The following ZNF566 variants were observed in gnomAD, a reference collection of about 807,000 sequenced individuals.
The protein encoded by ZNF566 is zinc finger protein 566.
ZNF566 carries 27 observed loss-of-function variants against 32.8 expected under a neutral mutation model. That is an observed-to-expected ratio of 0.82 (90% confidence interval 0.61 to 1.14). The LOEUF (loss-of-function observed/expected upper bound fraction) is 1.14. Among genes scored for constraint, ZNF566 ranks in the 50% most tolerant of loss-of-function variants. The probability of loss-of-function intolerance (pLI) is 0.00; values close to 1 mark genes in which losing one functional copy is unlikely to be tolerated. For synonymous variants in ZNF566, 154 were observed against 159.5 expected, an observed-to-expected ratio of 0.97 and a Z score of 0.26; for missense variants, 402 against 490.4, an observed-to-expected ratio of 0.82 and a Z score of 1.70.
chr19:36,457,631 C>A (rs1005033634), intron 4 of ZNF566, among the ~76,000 whole-genome samples: 3 of 152,154 alleles, frequency 2.0e-5, no homozygotes, highest in African/African-American at 4.8e-5. Context: ...GTGGCTCAGG[C>A]CTGTAATCCC....
intron 2 of ZNF566, 107 bp from the exon 3 acceptor site, chr19:36,473,565 C>A: frequency 9.7e-7 from 1 of 1,034,544 alleles, no homozygotes. Context: ...ATATAGTGAG[C>A]ATATGAATGT....
At chr19:36,481,182 CAAT>C (rs969867501) in intron 1 of ZNF566, among the ~76,000 whole-genome samples, 7 of 151,840 alleles carry the variant, frequency 4.6e-5, no homozygotes, top group Non-Finnish European at 8.8e-5. Flanking sequence ...AAGAAAACAA[CAAT>C]GAGGGCTGGG....
At chr19:36,452,403 G>A (rs1009052896) in intron 4 of ZNF566, among the ~76,000 whole-genome samples, 1 of 151,624 alleles carries the variant, frequency 6.6e-6, no homozygotes, top group Non-Finnish European at 1.5e-5. Context: ...TTAACTAGCT[G>A]AGAGGCATAA....
In ZNF566 at chr19:36,449,395, T is replaced by A; in HGVS notation, c.839A>T (p.Glu280Val). Residue 280 changes from glutamate to valine, a missense_variant, in exon 5 of 5, where the codon GAG becomes GTG. Glu to Val is a moderately radical substitution (Grantham distance 121). This residue lies in a region of ZNF566 where 135 missense variants were observed against 210.0 expected (regional missense o/e 0.64). Coordinates refer to ENST00000452939, the MANE Select transcript of ZNF566 (RefSeq NM_001145344.1). ...FTRHQRIHTG[E>V]KPYECKECGK... Reference sequence around the variant, plus strand: ...GCATTCTTTGCATTCATAAGGCTTCTCACCTGTGTGAATTCTCTGATGTCG... The same window carrying A: ...GCATTCTTTGCATTCATAAGGCTTCACACCTGTGTGAATTCTCTGATGTCG... 6.2e-7 allele frequency: 1 copy of A among 1,614,200 alleles called. No homozygotes were observed. The highest frequency in any genetic ancestry group is 1.1e-5 in the South Asian group (1 of 91,084).
intron 4 of ZNF566, among the ~76,000 whole-genome samples, chr19:36,465,075 C>T (rs545918098): frequency 6.6e-6 from 1 of 151,940 alleles, no homozygotes; most frequent in African/African-American, 2.4e-5. Context: ...ACAAATTAGC[C>T]TAATACAAAA....
In ZNF566 at chr19:36,448,058, C is replaced by G. The variant is rs1464319546; in HGVS notation, c.*919G>C. 1 of 151,992 alleles carries G rather than the reference C, an allele frequency of 6.6e-6. No individual in the cohort carries two copies. Among genetic ancestry groups the G allele is most frequent in the Non-Finnish European group, 1.5e-5 (1 of 67,990 alleles). The allele number at this position is 151,992 out of a possible 1,614,324, so 9.4% of individuals were successfully genotyped here. A position where few individuals can be genotyped will look rare whatever the true frequency, so the allele number is the denominator to read the frequency against. On this transcript the variant is annotated 3_prime_UTR_variant, in exon 5 of 5. Coordinates refer to ENST00000452939, the MANE Select transcript of ZNF566 (RefSeq NM_001145344.1). ...ATGAGGTAGGTATTATAATTATCCC[C>G]CATTTTATAATTTTTACTGAGACAC...
chr19:36,451,206 T>C (rs1487259525), intron 4 of ZNF566, among the ~76,000 whole-genome samples: 1 of 152,010 alleles, frequency 6.6e-6, no homozygotes, highest in Non-Finnish European at 1.5e-5. Flanking sequence ...CTGGATTCTG[T>C]AACAGGAGGG....
chr19:36,487,417 C>A (rs2034194417), intron 1 of ZNF566, among the ~76,000 whole-genome samples: 1 of 152,090 alleles, frequency 6.6e-6, no homozygotes, highest in Admixed American at 6.6e-5. Flanking sequence ...TTTGTAACAG[C>A]CCCAAATTGG....
At chr19:36,484,480 C>T (rs1162828490) in intron 1 of ZNF566, among the ~76,000 whole-genome samples, 3 of 151,896 alleles carry the variant, frequency 2.0e-5, no homozygotes, top group Non-Finnish European at 2.9e-5. Flanking sequence ...AGAAAATCAC[C>T]GCTAGGCAAA....
At position 36,445,441 on chromosome 19, in the gene ZNF566, T is replaced by C. The variant is rs1430713828; in HGVS notation, c.*3536A>G. 1 of 152,178 alleles carries C rather than the reference T, an allele frequency of 6.6e-6. No homozygotes were observed. Among genetic ancestry groups the C allele is most frequent in the East Asian group, 1.9e-4 (1 of 5,196 alleles). The allele number at this position is 152,178 out of a possible 1,614,324, so 9.4% of individuals were successfully genotyped here. A position where few individuals can be genotyped will look rare whatever the true frequency, so the allele number is the denominator to read the frequency against. ...GTGTATACACACTCACAGAATCACA[T>C]ATATGAAAAACTGCACTCCACTCCT... On this transcript the variant is annotated 3_prime_UTR_variant, in exon 5 of 5. Coordinates refer to ENST00000452939, the MANE Select transcript of ZNF566 (RefSeq NM_001145344.1).
intron 4 of ZNF566, among the ~76,000 whole-genome samples, chr19:36,467,409 T>C (rs10417866): frequency 0.097 from 13,272 of 137,018 alleles, 715 homozygotes; most frequent in African/African-American, 0.15. Flanking sequence ...CACTCCAGCC[T>C]GGGCAACAAT....
intron 4 of ZNF566, among the ~76,000 whole-genome samples, chr19:36,457,869 C>T (rs1192013402): frequency 6.6e-6 from 1 of 151,858 alleles, no homozygotes; most frequent in African/African-American, 2.4e-5. Context: ...CCAGCCTGGG[C>T]AACAAGAGTG....
intron 1 of ZNF566, among the ~76,000 whole-genome samples, chr19:36,477,526 G>GTTTTTTTTTTTTTTTTTTTTTTTTTTT (rs767741591): frequency 3.7e-5 from 4 of 107,000 alleles, no homozygotes; most frequent in African/African-American, 3.8e-5. Flanking sequence ...TTCTGTTTCT[G>GTTTTTTTTTTTTTTTTTTTTTTTTTTT]TTTTTTTTTT....
chr19:36,458,436 T>C (rs950434067), intron 4 of ZNF566, among the ~76,000 whole-genome samples: 1 of 152,134 alleles, frequency 6.6e-6, no homozygotes, highest in Non-Finnish European at 1.5e-5. Flanking sequence ...CACTTATATA[T>C]GAACTCTAAA....
chr19:36,454,744 A>G (rs780441308), intron 4 of ZNF566, among the ~76,000 whole-genome samples: 17 of 152,078 alleles, frequency 1.1e-4, no homozygotes, highest in Admixed American at 6.6e-4. Context: ...GTAATCAAAA[A>G]CCTCCCAACA....
chr19:36,457,207 T>A (rs1158300311), intron 4 of ZNF566, among the ~76,000 whole-genome samples: 1 of 152,132 alleles, frequency 6.6e-6, no homozygotes, highest in South Asian at 2.1e-4. Flanking sequence ...TGCAAAAGAA[T>A]GAAATTGAAT....
intron 1 of ZNF566, among the ~76,000 whole-genome samples, chr19:36,477,137 A>G (rs1038024625): frequency 1.3e-5 from 2 of 151,944 alleles, no homozygotes; most frequent in Non-Finnish European, 2.9e-5. Flanking sequence ...CAGCCTCCCA[A>G]GTAGCTGGGA....
At chr19:36,484,650 C>T (rs1228710398) in intron 1 of ZNF566, among the ~76,000 whole-genome samples, 3 of 130,762 alleles carry the variant, frequency 2.3e-5, no homozygotes, top group Non-Finnish European at 3.1e-5. Context: ...GGTGCAGTGG[C>T]GCGATCTCAG....
chr19:36,484,514 G>A (rs553295707), intron 1 of ZNF566, among the ~76,000 whole-genome samples: 238 of 151,510 alleles, frequency 1.6e-3, no homozygotes, highest in Non-Finnish European at 2.7e-3. Flanking sequence ...ATTGTTACAG[G>A]TAAAAATTAT....
Sources: allele counts gnomAD v4.1 joint callset (sites outside exome capture counted in the v4.1 genomes callset), GRCh38; gene constraint gnomAD v4.1.1; regional missense constraint gnomAD v4.1.1; transcripts MANE v1.5; gene names NCBI Gene and HGNC (gene_info 2026-07-23, HGNC 2026-07-21).